Variants in CPXCR1 observed in about 807,000 individuals in gnomAD.
CPXCR1 encodes the protein CPX chromosomal region candidate gene 1 protein.
Under a neutral mutation model 13.8 loss-of-function variants are expected in CPXCR1, and 15 were observed. The ratio of observed to expected loss-of-function variants is 1.09; its 90% CI spans 0.73 to 1.67. The LOEUF (loss-of-function observed/expected upper bound fraction) is 1.67. CPXCR1 is among the 40% of genes most tolerant of loss of function. The pLI, the probability that CPXCR1 is intolerant of heterozygous loss-of-function variation, is 0.00. For synonymous variants in CPXCR1, 70 were observed against 76.7 expected (o/e 0.91, Z 0.46); for missense variants, 247 against 223.6 (o/e 1.10, Z -0.67).
At position 88,754,733 on chromosome X, in the gene CPXCR1, T is replaced by C. The variant is rs898673601; in HGVS notation, c.*413T>C. The C allele has an allele frequency of 1.6e-5, 2 of 127,701 alleles. No homozygotes were observed. The highest frequency in any genetic ancestry group is 3.2e-5 in the African/African-American group (1 of 31,041). 10.5% of individuals were successfully genotyped at this position (127,701 alleles called of 1,213,427 possible). On this transcript the variant is annotated 3_prime_UTR_variant, in exon 3 of 3. Coordinates refer to ENST00000276127, the MANE Select transcript of CPXCR1 (RefSeq NM_033048.6). ...TTTCCAGAGATTCTGCTACATGTAT[T>C]ATCTGAAATGTTCTCCATATATTCA...
rs990425315 is a variant in CPXCR1, at chrX:88,749,397, C to G, written c.-35C>G. ...ACTGCATTTCAGCCTTACTGAGAAG[C>G]AGCCAGTCATACTATCCTCAAATTT... On this transcript the variant is annotated 5_prime_UTR_variant, in exon 2 of 3. Transcript: ENST00000276127. 9.0e-6 allele frequency: 1 copy of G among 110,851 alleles called. No homozygotes were observed. Among genetic ancestry groups the G allele is most frequent in the Non-Finnish European group, 1.9e-5 (1 of 53,011 alleles). 9.1% of individuals were successfully genotyped at this position (110,851 alleles called of 1,213,427 possible).
Position 88,754,263 on chromosome X carries a change from G to C in CPXCR1, c.849G>C (p.Arg283Ser). 1 of 1,169,303 alleles carries C rather than the reference G, an allele frequency of 8.6e-7. No homozygotes were observed. ...AATACTTTTGTCCCATCTGTGGAAG[G>C]CTTTTTAACACTTACTCTGAATTAA... ...GWKYFCPICG[R>S]LFNTYSELRQ... Residue 283 changes from arginine to serine, a missense_variant, in exon 3 of 3, where the codon AGG (arginine) becomes AGC (serine). Coordinates refer to ENST00000276127, the MANE Select transcript of CPXCR1 (RefSeq NM_033048.6).
intron 2 of CPXCR1, among the ~76,000 whole-genome samples, chrX:88,753,177 C>T (rs920370252): frequency 9.0e-6 from 1 of 111,406 alleles, no homozygotes; most frequent in Non-Finnish European, 1.9e-5. Flanking sequence ...TCCAAGTTTA[C>T]TGAAATTCCA....
chrX:88,753,414 G>A lies in CPXCR1; in HGVS notation c.-1G>A. 9.3e-7 allele frequency: 1 copy of A among 1,071,655 alleles called. No homozygotes were observed. Among genetic ancestry groups the A allele is most frequent in the East Asian group, 3.2e-5 (1 of 31,699 alleles). 88.3% of individuals were successfully genotyped at this position (1,071,655 alleles called of 1,213,427 possible). A position where few individuals can be genotyped will look rare whatever the true frequency, so the allele number is the denominator to read the frequency against. ...CTTCTTTCCCATAAATAGAACCCAG[G>A]ATGAGTTATCCTACTAAAGAAGGAA... On this transcript the variant is annotated 5_prime_UTR_variant, in exon 3 of 3. Coordinates refer to ENST00000276127, the MANE Select transcript of CPXCR1 (RefSeq NM_033048.6).
rs1925020902 is a variant in CPXCR1 at position 88,754,407 on chromosome X, A to C, written c.*87A>C. 1 of 601,676 alleles carries C rather than the reference A, an allele frequency of 1.7e-6. No homozygotes were observed. The highest frequency in any genetic ancestry group is 2.5e-6 in the Non-Finnish European group (1 of 395,425). 49.6% of individuals were successfully genotyped at this position (601,676 alleles called of 1,213,427 possible). ...AGTAAGACAAAATTGCATGAACATA[A>C]ATTTTAGTATTATTAGAGGGAGTAG... On this transcript the variant is annotated 3_prime_UTR_variant, in exon 3 of 3. Transcript: ENST00000276127.
intron 1 of CPXCR1, among the ~76,000 whole-genome samples, chrX:88,748,709 GA>G (rs1924837857): frequency 9.1e-6 from 1 of 109,600 alleles, no homozygotes; most frequent in African/African-American, 3.3e-5. Flanking sequence ...TATGTTTATT[GA>G]AAAACCAGTC....
rs1247933159 is a variant in CPXCR1, at chrX:88,747,302, G to T, written c.-182G>T. 1.8e-5 allele frequency: 2 copies of T among 112,210 alleles called. No homozygotes were observed. Among genetic ancestry groups the T allele is most frequent in the Non-Finnish European group, 3.8e-5 (2 of 53,286 alleles). 9.2% of individuals were successfully genotyped at this position (112,210 alleles called of 1,213,427 possible). ...CCCCGTGAAGCACACCTTTCCTAAG[G>T]ATTTTGACGAATGAGAATGAAGATA... is the stretch of plus-strand genomic sequence containing the variant. On this transcript the variant is annotated 5_prime_UTR_variant, in exon 1 of 3. Coordinates refer to ENST00000276127, the MANE Select transcript of CPXCR1 (RefSeq NM_033048.6).
intron 2 of CPXCR1, among the ~76,000 whole-genome samples, chrX:88,752,071 A>G (rs1277971790): frequency 8.9e-6 from 1 of 112,151 alleles, no homozygotes. Context: ...GCCTTTCTCC[A>G]CCATGGAATT....
chrX:88,747,739 G>A (rs889116137), intron 1 of CPXCR1, among the ~76,000 whole-genome samples: 1 of 111,704 alleles, frequency 9.0e-6, no homozygotes, highest in African/African-American at 3.3e-5. Context: ...GAGGTGAAGT[G>A]AACTTGTATA....
At chrX:88,753,312 A>G (rs946728632) in intron 2 of CPXCR1, 95 bp from the exon 3 acceptor site, 8 of 461,935 alleles carry the variant, frequency 1.7e-5, no homozygotes, top group Non-Finnish European at 2.7e-5. Context: ...GAAATAGCAC[A>G]TTCACAGGCT....
intron 2 of CPXCR1, among the ~76,000 whole-genome samples, chrX:88,751,974 A>G (rs1022965556): frequency 2.7e-5 from 3 of 111,768 alleles, no homozygotes; most frequent in Admixed American, 9.5e-5. Context: ...TTAGCTCATA[A>G]AAACTAGCCA....
chrX:88,753,260 T>A, intron 2 of CPXCR1, 147 bp from the exon 3 acceptor site: 2 of 339,351 alleles, frequency 5.9e-6, no homozygotes, highest in Non-Finnish European at 1.0e-5. Context: ...ATTCTGTGGG[T>A]TTGTGACTCT....
At position 88,747,276 on chromosome X, in the gene CPXCR1, A is replaced by G. The variant is rs1411868844; in HGVS notation, c.-208A>G. On this transcript the variant is annotated 5_prime_UTR_variant, in exon 1 of 3. Transcript: ENST00000276127. ...GAAGAAAAGGGGTCAAGAAGGCAGG[A>G]CCCCGTGAAGCACACCTTTCCTAAG... is the stretch of plus-strand genomic sequence containing the variant. 1.1e-4 allele frequency: 12 copies of G among 112,152 alleles called. No individual in the cohort carries two copies. The highest frequency in any genetic ancestry group is 1.9e-5 in the Non-Finnish European group (1 of 53,276). 9.2% of individuals were successfully genotyped at this position (112,152 alleles called of 1,213,427 possible). A position where few individuals can be genotyped will look rare whatever the true frequency, so the allele number is the denominator to read the frequency against.
chrX:88,751,490 T>C (rs971442818), intron 2 of CPXCR1, among the ~76,000 whole-genome samples: 3 of 111,478 alleles, frequency 2.7e-5, no homozygotes, highest in Non-Finnish European at 5.6e-5. Flanking sequence ...CTTACAATTA[T>C]GTGTTCAATT....
chrX:88,752,142 A>G lies in CPXCR1; in HGVS notation c.-8-1265A>G, dbSNP rs987161221. Among the ~76,000 whole-genome samples the G allele has an allele frequency of 2.7e-5, 3 of 112,003 alleles. No homozygotes were observed. In the Admixed American group the frequency reaches 2.9e-4, roughly 11 times the overall value. On this transcript the variant is annotated intron_variant, in intron 2 of 2. Coordinates refer to ENST00000276127, the MANE Select transcript of CPXCR1 (RefSeq NM_033048.6). ...AAGAAATTTCTCAAGTTGATTGTTC[A>G]AAGTCCTCTCATAGAGTAGAAGTGG...
In CPXCR1 at chrX:88,753,630, C is replaced by T. The variant is rs1924989282; in HGVS notation, c.216C>T (p.Leu72=). 5.0e-6 allele frequency: 6 copies of T among 1,206,386 alleles called. No homozygotes were observed. The highest frequency in any genetic ancestry group is 6.7e-6 in the Non-Finnish European group (6 of 893,152). Residue 72 remains leucine, a synonymous_variant, in exon 3 of 3, where the codon CTC becomes CTT. Transcript: ENST00000276127. Reference sequence around the variant, plus strand: ...CTCAAGCAGCAGAAAACAGCGAGCTCGAAACAGAGATCCAAAAAGATCAAC... The same window carrying T: ...CTCAAGCAGCAGAAAACAGCGAGCTTGAAACAGAGATCCAAAAAGATCAAC... The part of the protein sequence containing the change: ...VVPQAAENSE[L]ETEIQKDQRE...
At chrX:88,753,123 CA>C (rs1227050289) in intron 2 of CPXCR1, among the ~76,000 whole-genome samples, 2 of 111,227 alleles carry the variant, frequency 1.8e-5, no homozygotes, top group African/African-American at 6.6e-5. Context: ...TGTTCTAGTG[CA>C]TAGGGTATAT....
Position 88,753,574 on chromosome X carries a change from G to C in CPXCR1, c.160G>C (p.Gly54Arg). The C allele has an allele frequency of 2.5e-6, 3 of 1,209,128 alleles. No homozygotes were observed. Among genetic ancestry groups the C allele is most frequent in the Non-Finnish European group, 3.4e-6 (3 of 894,730 alleles). ...AACCAACCCAATAAACAGGGAGCCAGGCACAGCAACCTCCCAGGAAGATGT... is the reference window on the plus strand; with the variant it reads ...AACCAACCCAATAAACAGGGAGCCACGCACAGCAACCTCCCAGGAAGATGT... The part of the protein sequence containing the change: ...VETNPINREP[G>R]TATSQEDVVP... The change falls in exon 3 of 3, where the codon GGC becomes CGC. Residue 54 changes from glycine (G) to arginine (R), a missense_variant. Physicochemically the swap from Gly to Arg is moderately radical, Grantham distance 125. Transcript: ENST00000276127.
At chrX:88,750,838 T>C (rs1371830991) in intron 2 of CPXCR1, among the ~76,000 whole-genome samples, 1 of 112,167 alleles carries the variant, frequency 8.9e-6, no homozygotes, top group East Asian at 2.8e-4. Flanking sequence ...CCATTTCTTC[T>C]AGATCTTCTA....
Sources: allele counts gnomAD v4.1 joint callset (sites outside exome capture counted in the v4.1 genomes callset), GRCh38; gene constraint gnomAD v4.1.1; transcripts MANE v1.5; gene names NCBI Gene and HGNC (gene_info 2026-07-23, HGNC 2026-07-21).